Variants in DZIP1 observed in about 807,000 individuals in gnomAD.
The protein encoded by DZIP1 is cilium assembly protein DZIP1.
DZIP1 carries 97 observed loss-of-function variants against 107.6 expected under a neutral mutation model. The observed-to-expected ratio is 0.90, with a 90% CI of 0.77 to 1.07. DZIP1 has a LOEUF of 1.07. DZIP1 is among the 50% of genes least tolerant of loss of function. The pLI, the probability that DZIP1 is intolerant of heterozygous loss-of-function variation, is 0.00. For synonymous variants in DZIP1, 390 were observed against 386.4 expected (o/e 1.01, Z -0.11); for missense variants, 1,035 against 1,063.6 (o/e 0.97, Z 0.37).
At chr13:95,640,315 A>G (rs1276230766) in intron 5 of DZIP1, among the ~76,000 whole-genome samples, 1 of 152,106 alleles carries the variant, frequency 6.6e-6, no homozygotes, top group African/African-American at 2.4e-5. Flanking sequence ...CCCTATCTTA[A>G]GAACACTCAA....
intron 7 of DZIP1, among the ~76,000 whole-genome samples, 161 bp downstream of exon 7, chr13:95,629,828 G>A (rs1876983174): frequency 6.6e-6 from 1 of 152,126 alleles, no homozygotes; most frequent in Admixed American, 6.5e-5. Flanking sequence ...CCAGTGATGT[G>A]CTTTGTAGTA....
rs1878560571 is a variant in DZIP1, at chr13:95,641,843, G to C, written c.49C>G (p.His17Asp). ...DWFSSMPFQK[H>D]VYYPLASGPE... ...CCGCTGGCGAGCGGGTAGTAGACAT[G>C]CTTCTGGAAGGGCTGCGGGGGGCAC... Residue 17 changes from histidine (H) to aspartate (D), a missense_variant, in exon 5 of 23, where the codon CAT becomes GAT. Coordinates refer to ENST00000376829, the MANE Select transcript of DZIP1 (RefSeq NM_198968.4). The surrounding 1 kb of genome is among the most constrained non-coding windows in gnomAD (Gnocchi z 4.3). 1 of 1,449,266 alleles carries C rather than the reference G, an allele frequency of 6.9e-7. No individual in the cohort carries two copies. The highest frequency in any genetic ancestry group is 3.1e-5 in the Admixed American group (1 of 32,500). 89.8% of individuals were successfully genotyped at this position (1,449,266 alleles called of 1,614,324 possible).
chr13:95,637,905 A>G (rs1878012071), intron 5 of DZIP1, among the ~76,000 whole-genome samples: 1 of 152,202 alleles, frequency 6.6e-6, no homozygotes, highest in South Asian at 2.1e-4. Flanking sequence ...ACACTGTCTT[A>G]TGAATACATA....
chr13:95,629,349 C>T (rs148333505), intron 7 of DZIP1, among the ~76,000 whole-genome samples: 2 of 152,340 alleles, frequency 1.3e-5, no homozygotes, highest in African/African-American at 4.8e-5. Flanking sequence ...GGCCCTTCAT[C>T]ACCCCGAGTA....
Position 95,610,111 on chromosome 13 carries a change from T to TGTGTGAGAGAGAGA in DZIP1, c.1364-599_1364-598insTCTCTCTCTCACAC, listed in dbSNP as rs368276400. Among the ~76,000 whole-genome samples, 979 of 126,592 alleles carry TGTGTGAGAGAGAGA rather than the reference T, an allele frequency of 7.7e-3. 13 individuals are homozygous for TGTGTGAGAGAGAGA. The highest frequency in any genetic ancestry group is 0.012 in the African/African-American group (421 of 34,210). 83.0% of individuals were successfully genotyped at this position (126,592 alleles called of 152,430 possible). ...GTGTGTGTGTGTGTGTGTGTGTGTG[T>TGTGTGAGAGAGAGA]GAGAGAGAGACAGAGAGAGAGAGAC... On this transcript the variant is annotated intron_variant, in intron 12 of 22. Coordinates refer to ENST00000376829, the MANE Select transcript of DZIP1 (RefSeq NM_198968.4).
chr13:95,597,339 T>C (rs2044485029), intron 15 of DZIP1, among the ~76,000 whole-genome samples: 1 of 151,870 alleles, frequency 6.6e-6, no homozygotes. Flanking sequence ...CCTCCTGACA[T>C]GTCTCACAGA....
At chr13:95,586,728 C>T (rs942402675) in intron 20 of DZIP1, among the ~76,000 whole-genome samples, 5 of 151,096 alleles carry the variant, frequency 3.3e-5, no homozygotes, top group South Asian at 2.1e-4. Context: ...ATAAATTACA[C>T]ACAATATATT....
intron 22 of DZIP1, among the ~76,000 whole-genome samples, 155 bp from the exon 23 acceptor site, chr13:95,582,468 A>G (rs1199363749): frequency 2.0e-5 from 3 of 152,184 alleles, no homozygotes; most frequent in African/African-American, 4.8e-5. Context: ...TGAGCTATGT[A>G]TAGGACGCCA....
In DZIP1 at chr13:95,613,760, C is replaced by T. The variant is rs145841794; in HGVS notation, c.1174-1583G>A. 4.2e-3 allele frequency among the ~76,000 whole-genome samples: 633 copies of T among 152,274 alleles called. 2 individuals are homozygous for T. Among genetic ancestry groups the T allele is most frequent in the African/African-American group, 0.014 (593 of 41,548 alleles). ...TTATGGACACATGTTTTGGCCCCATCGTACAGATAGGAAAACTCAAGTCTA... is the reference window on the plus strand; with the variant it reads ...TTATGGACACATGTTTTGGCCCCATTGTACAGATAGGAAAACTCAAGTCTA... On this transcript the variant is annotated intron_variant, in intron 10 of 22. Coordinates refer to ENST00000376829, the MANE Select transcript of DZIP1 (RefSeq NM_198968.4).
At chr13:95,591,481 TCC>T (rs1381268044) in intron 16 of DZIP1, among the ~76,000 whole-genome samples, 1 of 152,142 alleles carries the variant, frequency 6.6e-6, no homozygotes, top group Admixed American at 6.5e-5. Context: ...CCATCTTTGT[TCC>T]CATCCCCCTT....
At chr13:95,631,276 C>A (rs1331875660) in intron 6 of DZIP1, among the ~76,000 whole-genome samples, 1 of 151,982 alleles carries the variant, frequency 6.6e-6, no homozygotes, top group East Asian at 1.9e-4. Context: ...GGCAACACAG[C>A]AAAACCCCAA....
rs1179006036 is a variant in DZIP1, at chr13:95,581,925, T to C, written c.*309A>G. 9 of 219,118 alleles carry C rather than the reference T, an allele frequency of 4.1e-5. No individual in the cohort carries two copies. Among genetic ancestry groups the C allele is most frequent in the Admixed American group, 2.9e-4 (5 of 17,436 alleles). 13.6% of individuals were successfully genotyped at this position (219,118 alleles called of 1,614,324 possible). On this transcript the variant is annotated 3_prime_UTR_variant, in exon 23 of 23. Coordinates refer to ENST00000376829, the MANE Select transcript of DZIP1 (RefSeq NM_198968.4). The stretch of plus-strand genomic sequence containing the variant: ...TAAAAAAAATTCACTAAAAAATTAG[T>C]TGAAAAAAATACACTTAACACTAGA...
At chr13:95,604,995 C>G (rs1023954354) in intron 14 of DZIP1, among the ~76,000 whole-genome samples, 1 of 152,084 alleles carries the variant, frequency 6.6e-6, no homozygotes, top group African/African-American at 2.4e-5. Flanking sequence ...ATAAGAAGAT[C>G]AATATGTGGA....
Position 95,592,490 on chromosome 13 carries a change from A to T in DZIP1, c.1680+1454T>A, listed in dbSNP as rs552786977. On this transcript the variant is annotated intron_variant, in intron 16 of 22. Transcript: ENST00000376829. ...TGTGGAAATTTAAAAAGACTGACTG[A>T]GTTGATGAAAGATGTGGAGCAACTG... 6.8e-4 allele frequency among the ~76,000 whole-genome samples: 103 copies of T among 152,328 alleles called. 1 individual carries two copies. The highest frequency in any genetic ancestry group is 1.1e-3 in the Non-Finnish European group (76 of 68,018).
rs1184347660 is a variant in DZIP1 at position 95,619,412 on chromosome 13, C to T, written c.1173+473G>A. Among the ~76,000 whole-genome samples the T allele has an allele frequency of 2.0e-5, 3 of 152,182 alleles. 1 individual carries two copies. The East Asian group carries it at 5.8e-4, about 29-fold the overall frequency. ...GCTAAATGAATATTATCCCTAATAC[C>T]TGCCAACCTACTCTTAATCAGTGGT... On this transcript the variant is annotated intron_variant, in intron 10 of 22. Transcript: ENST00000376829.
chr13:95,618,201 T>C (rs1875384580), intron 10 of DZIP1, among the ~76,000 whole-genome samples: 1 of 152,194 alleles, frequency 6.6e-6, no homozygotes, highest in Non-Finnish European at 1.5e-5. Flanking sequence ...CCCATAGCTG[T>C]AGCCTCACTC....
intron 7 of DZIP1, among the ~76,000 whole-genome samples, chr13:95,628,860 G>A (rs1876865165): frequency 6.6e-6 from 1 of 152,146 alleles, no homozygotes; most frequent in Non-Finnish European, 1.5e-5. Context: ...GAAAGTAGCT[G>A]GAAGGAGGGG....
At chr13:95,636,335 G>C (rs1877813396) in intron 5 of DZIP1, among the ~76,000 whole-genome samples, 1 of 152,072 alleles carries the variant, frequency 6.6e-6, no homozygotes, top group Non-Finnish European at 1.5e-5. Flanking sequence ...CTGAGGTCAG[G>C]AGTTTGAGAC....
At chr13:95,635,522 G>C (rs1442453611) in intron 5 of DZIP1, among the ~76,000 whole-genome samples, 1 of 151,960 alleles carries the variant, frequency 6.6e-6, no homozygotes, top group Admixed American at 6.6e-5. Context: ...TCTTGGTATT[G>C]CATCTCAGAG....
Sources: gnomAD v4.1 joint callset for allele counts (sites outside exome capture counted in the v4.1 genomes callset) on GRCh38, gnomAD v4.1.1 for gene constraint, Gnocchi (gnomAD v3.1) non-coding constraint, MANE v1.5 for transcripts, NCBI Gene and HGNC (gene_info 2026-07-23, HGNC 2026-07-21) for gene names.